ZC3H12B: variants seen among roughly 807,000 people sequenced by gnomAD.
ZC3H12B encodes the protein zinc finger CCCH-type containing 12B.
Under a neutral mutation model 43.9 loss-of-function variants are expected in ZC3H12B, and 7 were observed. The observed-to-expected ratio is 0.16, with a 90% CI of 0.09 to 0.30. ZC3H12B has a LOEUF of 0.30. Among genes scored for constraint, ZC3H12B ranks in the 10% least tolerant of loss-of-function variants. The probability of loss-of-function intolerance (pLI) is 1.00; values close to 1 mark genes in which losing one functional copy is unlikely to be tolerated. For missense variants in ZC3H12B, 475 were observed against 670.2 expected (o/e 0.71, Z 3.22); for synonymous variants, 222 against 241.7 (o/e 0.92, Z 0.76).
intron 3 of ZC3H12B, among the ~76,000 whole-genome samples, chrX:65,483,035 A>G (rs1439473097): frequency 8.9e-6 from 1 of 112,207 alleles, no homozygotes; most frequent in Non-Finnish European, 1.9e-5. Context: ...ATGAAATCCT[A>G]AATTTTGAAT....
chrX:65,503,698 C>T (rs1356374295), exon 5 of ZC3H12B: 1 of 110,684 alleles, frequency 9.0e-6, no homozygotes, highest in Non-Finnish European at 1.9e-5. Flanking sequence ...CTCACTGCAA[C>T]CTCCACCTCC....
At chrX:65,434,917 G>A (rs2067202657) in intron 3 of ZC3H12B, among the ~76,000 whole-genome samples, 1 of 110,742 alleles carries the variant, frequency 9.0e-6, no homozygotes, top group Non-Finnish European at 1.9e-5. Flanking sequence ...AGTGGAGAAG[G>A]CACTTTCTCT....
At chrX:65,160,738 G>C in the ZC3H12B span, among the ~76,000 whole-genome samples, 8 of 111,284 alleles carry the variant, frequency 7.2e-5, no homozygotes, top group Non-Finnish European at 1.3e-4. Context: ...TTTTTTGAAG[G>C]GTTTTTTGTG....
chrX:65,411,491 G>T (rs2066902529), intron 3 of ZC3H12B, among the ~76,000 whole-genome samples: 1 of 111,286 alleles, frequency 9.0e-6, no homozygotes, highest in Non-Finnish European at 1.9e-5. Flanking sequence ...ACTTTGGGAG[G>T]CCAAGGTGGG....
chrX:65,039,415 A>G, the ZC3H12B span, among the ~76,000 whole-genome samples: 3 of 111,945 alleles, frequency 2.7e-5, no homozygotes, highest in Admixed American at 2.8e-4. Context: ...ATGATTAATA[A>G]TGTGAAAATG....
At chrX:65,234,491 T>A in the ZC3H12B span, among the ~76,000 whole-genome samples, 1 of 111,903 alleles carries the variant, frequency 8.9e-6, no homozygotes, top group Non-Finnish European at 1.9e-5. Flanking sequence ...TTCAACATAG[T>A]ATTGAAAGTC....
the ZC3H12B span, among the ~76,000 whole-genome samples, chrX:65,065,894 A>G: frequency 5.8e-5 from 6 of 103,936 alleles, no homozygotes; most frequent in East Asian, 1.9e-3. Context: ...CATTAAGTTC[A>G]TCTTCAATCT....
chrX:65,503,380 A>G, exon 5 of ZC3H12B: 3 of 431,188 alleles, frequency 7.0e-6, no homozygotes, highest in Non-Finnish European at 1.1e-5. Flanking sequence ...ATCCTCTTTT[A>G]TAGAGAAGGA....
chrX:65,503,318 G>A (rs1569427871), exon 5 of ZC3H12B: 6 of 715,242 alleles, frequency 8.4e-6, no homozygotes, highest in East Asian at 7.3e-5. Context: ...ACAAGTTAGA[G>A]TGTTTATATC....
the ZC3H12B span, among the ~76,000 whole-genome samples, chrX:65,159,934 C>A: frequency 9.0e-6 from 1 of 111,515 alleles, no homozygotes; most frequent in Admixed American, 9.6e-5. Context: ...TGAGATACGT[C>A]CCATCAATAC....
chrX:65,294,863 T>C, the ZC3H12B span, among the ~76,000 whole-genome samples: 3 of 110,723 alleles, frequency 2.7e-5, no homozygotes, highest in African/African-American at 9.8e-5. Flanking sequence ...CTATAAGTAC[T>C]AGACCTAAGA....
chrX:65,399,343 T>C (rs780668433), intron 3 of ZC3H12B, among the ~76,000 whole-genome samples: 10 of 112,102 alleles, frequency 8.9e-5, no homozygotes, highest in Non-Finnish European at 1.3e-4. Context: ...AGGAAAAATA[T>C]AATAAGCAGA....
the ZC3H12B span, among the ~76,000 whole-genome samples, chrX:65,195,031 T>G: frequency 9.0e-6 from 1 of 111,407 alleles, no homozygotes; most frequent in Non-Finnish European, 1.9e-5. Context: ...CTTTTTCCTT[T>G]ATTTTCAGTC....
At chrX:65,327,721 C>T in the ZC3H12B span, among the ~76,000 whole-genome samples, 1 of 111,618 alleles carries the variant, frequency 9.0e-6, no homozygotes, top group African/African-American at 3.2e-5. Context: ...AAAACAGCTT[C>T]ATAAACTGGG....
At chrX:65,262,293 C>G in the ZC3H12B span, among the ~76,000 whole-genome samples, 1 of 110,858 alleles carries the variant, frequency 9.0e-6, no homozygotes, top group Non-Finnish European at 1.9e-5. Context: ...AGTTAGGTTA[C>G]TAAGTTGAGT....
At chrX:65,334,367 C>T in the ZC3H12B span, among the ~76,000 whole-genome samples, 2 of 112,294 alleles carry the variant, frequency 1.8e-5, no homozygotes, top group Non-Finnish European at 3.8e-5. Context: ...TCCTCTCTAA[C>T]TTAAAACAAT....
chrX:65,336,085 A>G, the ZC3H12B span, among the ~76,000 whole-genome samples: 4 of 112,244 alleles, frequency 3.6e-5, no homozygotes, highest in Admixed American at 3.8e-4. Context: ...AAAGATACAG[A>G]AAGAAAAATT....
the ZC3H12B span, among the ~76,000 whole-genome samples, chrX:65,085,371 A>G: frequency 1.9e-4 from 21 of 111,399 alleles, no homozygotes; most frequent in African/African-American, 5.9e-4. Context: ...CATCTCATTT[A>G]TCCCATAAAC....
the ZC3H12B span, among the ~76,000 whole-genome samples, chrX:65,147,795 C>T: frequency 1.1e-4 from 12 of 110,314 alleles, no homozygotes; most frequent in South Asian, 4.0e-4. Flanking sequence ...CTGGAGCTTG[C>T]GTGGTGCTGG....
Sources: allele counts gnomAD v4.1 joint callset (sites outside exome capture counted in the v4.1 genomes callset), GRCh38; gene constraint gnomAD v4.1.1; transcripts MANE v1.5; gene names NCBI Gene and HGNC (gene_info 2026-07-23, HGNC 2026-07-21).